The following NYAP2 variants were observed in gnomAD, a reference collection of about 807,000 sequenced individuals.
The protein encoded by NYAP2 is neuronal tyrosine-phosphorylated phosphoinositide-3-kinase adaptor 2.
A neutral mutation model predicts 50.4 loss-of-function variants in NYAP2; 23 were observed. That is an observed-to-expected ratio of 0.46 (90% CI 0.33 to 0.65). The LOEUF (loss-of-function observed/expected upper bound fraction) is 0.65. Among genes scored for constraint, NYAP2 ranks in the 30% least tolerant of loss-of-function variants. The pLI is 0.02. For synonymous variants in NYAP2, 394 were observed against 365.2 expected, an observed-to-expected ratio of 1.08 and a Z score of -0.90; for missense variants, 885 against 861.0, an observed-to-expected ratio of 1.03 and a Z score of -0.35.
intron 5 of NYAP2, among the ~76,000 whole-genome samples, chr2:225,593,899 C>T (rs553584463): frequency 2.0e-5 from 3 of 152,212 alleles, no homozygotes; most frequent in Non-Finnish European, 4.4e-5. Context: ...TCAATATAGT[C>T]ATTCAGCAAA....
chr2:225,612,670 C>T (rs778487388), intron 5 of NYAP2, among the ~76,000 whole-genome samples: 1 of 152,084 alleles, frequency 6.6e-6, no homozygotes, highest in Non-Finnish European at 1.5e-5. Context: ...TTGCTGTATC[C>T]TCACATGGCA....
chr2:225,614,439 A>G (rs1398675324), intron 5 of NYAP2, among the ~76,000 whole-genome samples: 1 of 152,226 alleles, frequency 6.6e-6, no homozygotes, highest in Non-Finnish European at 1.5e-5. Context: ...GTTCAAATGA[A>G]TGATCATTCT....
chr2:225,457,569 C>A lies in NYAP2; in HGVS notation c.221+48468C>A, dbSNP rs139063762. Among the ~76,000 whole-genome samples, 486 of 152,258 alleles carry A rather than the reference C, an allele frequency of 3.2e-3. 3 individuals are homozygous for A. Among genetic ancestry groups the A allele is most frequent in the African/African-American group, 0.011 (460 of 41,534 alleles). On this transcript the variant is annotated intron_variant, in intron 3 of 6. Transcript: ENST00000636099. ...ATGAAATTAAACCTAAAACAAGGAA[C>A]AGAGTAACATCTTAACCCCTGAGTC...
At chr2:225,517,827 A>G (rs968185260) in intron 4 of NYAP2, among the ~76,000 whole-genome samples, 1 of 152,188 alleles carries the variant, frequency 6.6e-6, no homozygotes, top group African/African-American at 2.4e-5. Flanking sequence ...TATTGCCAAA[A>G]CATGAAAGAT....
the NYAP2 span, among the ~76,000 whole-genome samples, chr2:225,678,116 T>C: frequency 1.8e-4 from 28 of 152,194 alleles, no homozygotes; most frequent in African/African-American, 6.7e-4. Flanking sequence ...TCTATTCAGG[T>C]TTTCACTTTC....
At chr2:225,476,039 C>T (rs1411793506) in intron 3 of NYAP2, among the ~76,000 whole-genome samples, 1 of 152,096 alleles carries the variant, frequency 6.6e-6, no homozygotes, top group Non-Finnish European at 1.5e-5. Flanking sequence ...AGCTCAACAT[C>T]GATTTAGAGA....
chr2:225,644,096 C>T (rs1445481770), intron 6 of NYAP2, among the ~76,000 whole-genome samples: 1 of 151,126 alleles, frequency 6.6e-6, no homozygotes, highest in Admixed American at 6.6e-5. Context: ...CACATCCTCT[C>T]CAGCACCTGT....
chr2:225,639,866 A>G (rs1000848828), intron 6 of NYAP2, among the ~76,000 whole-genome samples: 3 of 152,128 alleles, frequency 2.0e-5, no homozygotes, highest in Non-Finnish European at 4.4e-5. Context: ...CTGGGGACTG[A>G]GCTCTCAAGG....
intron 6 of NYAP2, among the ~76,000 whole-genome samples, chr2:225,644,380 A>G (rs1693590436): frequency 6.6e-6 from 1 of 150,686 alleles, no homozygotes; most frequent in East Asian, 2.0e-4. Flanking sequence ...ATTTTCTCCC[A>G]TTTTGTAGGT....
At chr2:225,527,356 G>T (rs912627774) in intron 4 of NYAP2, among the ~76,000 whole-genome samples, 1 of 152,150 alleles carries the variant, frequency 6.6e-6, no homozygotes, top group Non-Finnish European at 1.5e-5. Flanking sequence ...ACCTCTATTA[G>T]TTCACAGTTT....
At chr2:225,426,124 C>T (rs995788504) in intron 3 of NYAP2, among the ~76,000 whole-genome samples, 1 of 116,282 alleles carries the variant, frequency 8.6e-6, no homozygotes, top group Non-Finnish European at 1.7e-5. Flanking sequence ...TTATACTTTG[C>T]TTTCTTTCTC....
intron 5 of NYAP2, among the ~76,000 whole-genome samples, chr2:225,604,082 ACAC>A (rs1210747931): frequency 6.6e-6 from 1 of 152,222 alleles, no homozygotes; most frequent in Non-Finnish European, 1.5e-5. Context: ...TAAAAAGTAA[ACAC>A]CACGATTCCC....
At chr2:225,502,905 G>C (rs1053724525) in intron 3 of NYAP2, among the ~76,000 whole-genome samples, 13 of 152,162 alleles carry the variant, frequency 8.5e-5, no homozygotes, top group African/African-American at 2.7e-4. Context: ...ACAAACTATA[G>C]GCACTTGGAT....
intron 4 of NYAP2, among the ~76,000 whole-genome samples, chr2:225,574,594 T>G (rs1025623279): frequency 6.6e-6 from 1 of 152,206 alleles, no homozygotes; most frequent in African/African-American, 2.4e-5. Flanking sequence ...TTCATTTAAA[T>G]TTTAAACTAT....
At chr2:225,467,198 G>A (rs895387382) in intron 3 of NYAP2, among the ~76,000 whole-genome samples, 7 of 152,064 alleles carry the variant, frequency 4.6e-5, no homozygotes, top group Non-Finnish European at 7.4e-5. Context: ...CTTACCAGCC[G>A]AATGTCCTTA....
intron 4 of NYAP2, among the ~76,000 whole-genome samples, chr2:225,523,385 G>A (rs1559204244): frequency 6.7e-6 from 1 of 150,034 alleles, no homozygotes; most frequent in Admixed American, 6.7e-5. Context: ...AAAGTACCAC[G>A]ATAGGAAATC....
chr2:225,513,700 A>T (rs1302155051), intron 4 of NYAP2, 28 bp downstream of exon 4: 1 of 1,482,740 alleles, frequency 6.7e-7, no homozygotes, highest in African/African-American at 1.4e-5. Context: ...CATGTCACCT[A>T]GAAATCTCTT....
chr2:225,693,906 C>T, the NYAP2 span, among the ~76,000 whole-genome samples: 1 of 151,838 alleles, frequency 6.6e-6, no homozygotes. Context: ...TGTGTGTAGC[C>T]CACAAAAAAG....
At chr2:225,578,302 A>G (rs1692204109) in intron 4 of NYAP2, among the ~76,000 whole-genome samples, 1 of 152,040 alleles carries the variant, frequency 6.6e-6, no homozygotes. Flanking sequence ...CTTGAACTTT[A>G]TGAATCTGCC....
Sources: allele counts gnomAD v4.1 joint callset (sites outside exome capture counted in the v4.1 genomes callset), GRCh38; gene constraint gnomAD v4.1.1; transcripts MANE v1.5; gene names NCBI Gene and HGNC (gene_info 2026-07-23, HGNC 2026-07-21).